Variants in RFX3 observed in about 807,000 individuals in gnomAD.
RFX3 encodes regulatory factor X3.
In RFX3, 14 loss-of-function variants were observed where a neutral mutation model predicts 98.6. The ratio of observed to expected loss-of-function variants is 0.14; its 90% CI spans 0.09 to 0.22. RFX3 has a LOEUF of 0.22. Ranked by LOEUF, RFX3 falls within the 10% of genes least tolerant of loss-of-function variation. The pLI is 1.00. For synonymous variants in RFX3, 383 were observed against 328.4 expected (o/e 1.17, Z -1.80); for missense variants, 639 against 926.9 (o/e 0.69, Z 4.03).
intron 1 of RFX3, among the ~76,000 whole-genome samples, chr9:3,473,197 A>G (rs1010628732): frequency 1.3e-5 from 2 of 152,190 alleles, no homozygotes; most frequent in African/African-American, 4.8e-5. Flanking sequence ...AGTAGGCACT[A>G]TAAGCCAGGG....
intron 2 of RFX3, among the ~76,000 whole-genome samples, chr9:3,385,122 T>C (rs1839566458): frequency 6.6e-6 from 1 of 152,208 alleles, no homozygotes; most frequent in African/African-American, 2.4e-5. Flanking sequence ...ATAATTCTTC[T>C]AATTTGCTAT....
intron 12 of RFX3, among the ~76,000 whole-genome samples, chr9:3,264,319 T>C (rs139246531): frequency 1.0e-3 from 152 of 152,314 alleles, no homozygotes; most frequent in African/African-American, 3.4e-3. Context: ...TAGACACATC[T>C]ACAGGAATGT....
At chr9:3,516,347 C>A (rs1298438849) in intron 1 of RFX3, among the ~76,000 whole-genome samples, 1 of 152,190 alleles carries the variant, frequency 6.6e-6, no homozygotes, top group South Asian at 2.1e-4. Flanking sequence ...CGCACCCAGC[C>A]TAAACTAAAA....
intron 1 of RFX3, among the ~76,000 whole-genome samples, chr9:3,458,305 G>A (rs558852188): frequency 6.6e-6 from 1 of 152,342 alleles, no homozygotes; most frequent in South Asian, 2.1e-4. Context: ...TAGCAATCCA[G>A]ATGTATGCCA....
intron 14 of RFX3, among the ~76,000 whole-genome samples, chr9:3,250,459 C>A (rs1043723755): frequency 2.6e-5 from 4 of 151,930 alleles, no homozygotes; most frequent in Non-Finnish European, 5.9e-5. Context: ...GGTTAAAAGA[C>A]CCAATGTTAT....
intron 5 of RFX3, among the ~76,000 whole-genome samples, chr9:3,297,539 A>T (rs974200518): frequency 1.3e-5 from 2 of 152,056 alleles, no homozygotes; most frequent in African/African-American, 4.8e-5. Context: ...CCCAATTAAC[A>T]TCTAAATGTA....
intron 2 of RFX3, among the ~76,000 whole-genome samples, chr9:3,358,082 C>T (rs1160360119): frequency 1.3e-5 from 2 of 151,946 alleles, no homozygotes; most frequent in Admixed American, 1.3e-4. Flanking sequence ...TTAAGAGGTT[C>T]TTGTGCTGAT....
At chr9:3,356,206 A>G (rs1302332447) in intron 2 of RFX3, among the ~76,000 whole-genome samples, 1 of 151,376 alleles carries the variant, frequency 6.6e-6, no homozygotes, top group Non-Finnish European at 1.5e-5. Flanking sequence ...GGAAAGAAGG[A>G]AAGAAGTTAA....
At chr9:3,310,679 T>G (rs761459923) in intron 4 of RFX3, among the ~76,000 whole-genome samples, 4 of 152,224 alleles carry the variant, frequency 2.6e-5, no homozygotes, top group Non-Finnish European at 5.9e-5. Flanking sequence ...TTTAACAGAT[T>G]AGAAACCTGA....
chr9:3,311,050 T>C (rs1356274910), intron 4 of RFX3, among the ~76,000 whole-genome samples: 1 of 152,220 alleles, frequency 6.6e-6, no homozygotes, highest in Admixed American at 6.5e-5. Context: ...TAAAAACAGT[T>C]ACCTAATGTA....
chr9:3,388,189 G>A (rs1247612521), intron 2 of RFX3, among the ~76,000 whole-genome samples: 1 of 152,076 alleles, frequency 6.6e-6, no homozygotes, highest in East Asian at 1.9e-4. Context: ...TTGAAACTAC[G>A]GTCTAAGAAA....
rs1053971596 is a variant in RFX3, at chr9:3,421,030, A to C, written c.-8-25434T>G. ...TTTCTACTATGTGCCAAAAAAAAAA[A>C]AAAAAACAAGAAGGCAACAAATAAT... On this transcript the variant is annotated intron_variant, in intron 1 of 16. Transcript: ENST00000617270. 22 of 583,260 alleles carry C rather than the reference A, an allele frequency of 3.8e-5. No homozygotes were observed. The Admixed American group carries it at 5.1e-4, about 13-fold the overall frequency. 36.1% of individuals were successfully genotyped at this position (583,260 alleles called of 1,614,324 possible).
At position 3,266,203 on chromosome 9, in the gene RFX3, T is replaced by C. The variant is rs576491363; in HGVS notation, c.1455+5A>G. ...CAAAAGAAAAAGCAAGGACATAAAGTATACCTTGGTTTGTATCATTCTCTG... is the reference window on the plus strand; with the variant it reads ...CAAAAGAAAAAGCAAGGACATAAAGCATACCTTGGTTTGTATCATTCTCTG... On this transcript the variant is annotated splice_donor_5th_base_variant and intron_variant, in intron 12 of 16. Transcript: ENST00000617270. 1.2e-5 allele frequency: 18 copies of C among 1,562,932 alleles called. No homozygotes were observed. The South Asian group carries it at 2.0e-4, about 18-fold the overall frequency.
chr9:3,441,901 A>G (rs1845639831), intron 1 of RFX3, among the ~76,000 whole-genome samples: 1 of 152,132 alleles, frequency 6.6e-6, no homozygotes, highest in Non-Finnish European at 1.5e-5. Flanking sequence ...GAAAGAGTGA[A>G]AAGAATGAAC....
At chr9:3,345,377 G>A (rs1012506645) in intron 3 of RFX3, among the ~76,000 whole-genome samples, 1 of 152,178 alleles carries the variant, frequency 6.6e-6, no homozygotes, top group South Asian at 2.1e-4. Flanking sequence ...GGCGGAGGTA[G>A]GAATGCGGAG....
rs1300396836 is a variant in RFX3, at chr9:3,219,991, C to A, written c.*5051G>T. 1 of 152,096 alleles carries A rather than the reference C, an allele frequency of 6.6e-6. No homozygotes were observed. Among genetic ancestry groups the A allele is most frequent in the Non-Finnish European group, 1.5e-5 (1 of 68,028 alleles). 9.4% of individuals were successfully genotyped at this position (152,096 alleles called of 1,614,324 possible). On this transcript the variant is annotated 3_prime_UTR_variant, in exon 17 of 17. Coordinates refer to ENST00000617270, the MANE Select transcript of RFX3 (RefSeq NM_001282116.2). The stretch of plus-strand genomic sequence containing the variant: ...GGGAATCAAGTGCACGAAGAGATTC[C>A]CTTGAACAAAATCAGCAATGGTGTA...
intron 1 of RFX3, among the ~76,000 whole-genome samples, chr9:3,450,178 A>G (rs1266438419): frequency 2.6e-5 from 4 of 152,228 alleles, no homozygotes; most frequent in Admixed American, 6.5e-5. Context: ...AGTACTACTA[A>G]GGTTGCAATC....
At chr9:3,314,408 C>T (rs551532491) in intron 4 of RFX3, among the ~76,000 whole-genome samples, 1 of 152,336 alleles carries the variant, frequency 6.6e-6, no homozygotes, top group Non-Finnish European at 1.5e-5. Context: ...GTACCAGCCA[C>T]TGCAAAAACA....
At chr9:3,313,431 G>C (rs1007110904) in intron 4 of RFX3, among the ~76,000 whole-genome samples, 1 of 152,196 alleles carries the variant, frequency 6.6e-6, no homozygotes, top group Non-Finnish European at 1.5e-5. Flanking sequence ...GAGCAGAAAA[G>C]CTGAAAATTC....
Sources: allele counts gnomAD v4.1 joint callset (sites outside exome capture counted in the v4.1 genomes callset), GRCh38; gene constraint gnomAD v4.1.1; transcripts MANE v1.5; gene names NCBI Gene and HGNC (gene_info 2026-07-23, HGNC 2026-07-21).